The following RTL4 variants were observed in gnomAD, a reference collection of about 807,000 sequenced individuals.
RTL4 encodes retrotransposon Gag-like protein 4.
A neutral mutation model predicts 5.3 loss-of-function variants in RTL4; 4 were observed. The ratio of observed to expected loss-of-function variants is 0.75; its 90% CI spans 0.37 to 1.72. The LOEUF is 1.72. Among genes scored for constraint, RTL4 ranks in the 40% most tolerant of loss-of-function variants. The pLI, the probability that RTL4 is intolerant of heterozygous loss-of-function variation, is 0.04. For synonymous variants in RTL4, 98 were observed against 87.3 expected (o/e 1.12, Z -0.68); for missense variants, 260 against 227.1 (o/e 1.14, Z -0.93).
the RTL4 span, among the ~76,000 whole-genome samples, chrX:112,384,837 A>T: frequency 8.9e-6 from 1 of 111,888 alleles, no homozygotes; most frequent in African/African-American, 3.2e-5. Flanking sequence ...CTTCCTATCC[A>T]TGAGCACGGA....
the RTL4 span, among the ~76,000 whole-genome samples, chrX:112,156,543 A>C: frequency 3.6e-5 from 4 of 112,156 alleles, no homozygotes; most frequent in African/African-American, 1.3e-4. Context: ...CCTGGTCCAG[A>C]TGTAGGCAGA....
At chrX:112,197,805 T>C in the RTL4 span, among the ~76,000 whole-genome samples, 47 of 111,984 alleles carry the variant, frequency 4.2e-4, no homozygotes, top group East Asian at 5.9e-3. Flanking sequence ...TTGCATTTGT[T>C]TGTCTTTGTA....
chrX:112,220,382 C>T, the RTL4 span, among the ~76,000 whole-genome samples: 1 of 112,741 alleles, frequency 8.9e-6, no homozygotes, highest in Non-Finnish European at 1.9e-5. Context: ...GGCACCAAGT[C>T]CCAAGGCTGC....
the RTL4 span, among the ~76,000 whole-genome samples, chrX:112,312,394 C>A: frequency 8.9e-6 from 1 of 111,836 alleles, no homozygotes; most frequent in East Asian, 2.8e-4. Context: ...AAATGAGGAG[C>A]AGAGCTTGAT....
the RTL4 span, among the ~76,000 whole-genome samples, chrX:112,404,003 A>G: frequency 8.9e-6 from 1 of 111,930 alleles, no homozygotes; most frequent in Admixed American, 9.5e-5. Context: ...TTCTTAAGGG[A>G]TCAGCTAGAG....
the RTL4 span, among the ~76,000 whole-genome samples, chrX:112,284,860 C>A: frequency 9.0e-6 from 1 of 111,555 alleles, no homozygotes; most frequent in African/African-American, 3.3e-5. Flanking sequence ...GCTCTAGAGC[C>A]TTAATTCTTA....
At chrX:112,226,925 A>AAAAATAAAATAAAATAAAAT in the RTL4 span, among the ~76,000 whole-genome samples, 1 of 99,983 alleles carries the variant, frequency 1.0e-5, no homozygotes, top group African/African-American at 4.1e-5. Flanking sequence ...CTCCGTCTCA[A>AAAAATAAAATAAAATAAAAT]AAAATAAAAT....
At chrX:112,321,156 G>A in the RTL4 span, among the ~76,000 whole-genome samples, 2 of 111,375 alleles carry the variant, frequency 1.8e-5, no homozygotes, top group Admixed American at 1.9e-4. Flanking sequence ...TAGGTATAAT[G>A]AAAAAAATTA....
At chrX:112,250,833 A>T in the RTL4 span, among the ~76,000 whole-genome samples, 2 of 112,416 alleles carry the variant, frequency 1.8e-5, no homozygotes, top group East Asian at 5.5e-4. Context: ...CTCACAGGTC[A>T]TACATTAGGC....
chrX:112,117,872 G>A, the RTL4 span, among the ~76,000 whole-genome samples: 4 of 111,693 alleles, frequency 3.6e-5, no homozygotes, highest in Middle Eastern at 4.6e-3. Context: ...AATGTGTAAT[G>A]TACAGGTATA....
At chrX:112,242,934 A>C in the RTL4 span, among the ~76,000 whole-genome samples, 1 of 111,700 alleles carries the variant, frequency 9.0e-6, no homozygotes, top group African/African-American at 3.3e-5. Context: ...CCTTTTCTGC[A>C]TCTATTGAGA....
chrX:112,095,850 A>G, the RTL4 span, among the ~76,000 whole-genome samples: 1 of 111,875 alleles, frequency 8.9e-6, no homozygotes, highest in Non-Finnish European at 1.9e-5. Context: ...TGGATTATCT[A>G]TACTGCCATA....
At chrX:112,314,307 G>A in the RTL4 span, among the ~76,000 whole-genome samples, 2 of 110,618 alleles carry the variant, frequency 1.8e-5, no homozygotes, top group African/African-American at 6.6e-5. Flanking sequence ...TAGTTTTCTG[G>A]GAGTTAAGTA....
chrX:112,423,862 G>A, the RTL4 span, among the ~76,000 whole-genome samples: 74 of 111,837 alleles, frequency 6.6e-4, no homozygotes, highest in Non-Finnish European at 1.3e-3. Context: ...TTGACATCTT[G>A]CCCAGGTCCT....
chrX:112,323,318 A>AT, the RTL4 span, among the ~76,000 whole-genome samples: 2 of 109,942 alleles, frequency 1.8e-5, no homozygotes, highest in Non-Finnish European at 3.8e-5. Flanking sequence ...ACTTTTGACC[A>AT]TTTTTTCTAT....
the RTL4 span, among the ~76,000 whole-genome samples, chrX:112,157,031 C>G: frequency 9.4e-6 from 1 of 106,352 alleles, no homozygotes; most frequent in Non-Finnish European, 1.9e-5. Flanking sequence ...TTGTTAGATG[C>G]GAGTGTTGAG....
the RTL4 span, among the ~76,000 whole-genome samples, chrX:112,426,924 T>C: frequency 9.0e-6 from 1 of 110,711 alleles, no homozygotes; most frequent in Non-Finnish European, 1.9e-5. Context: ...CTGTATCTGT[T>C]AAAAAAATCA....
the RTL4 span, among the ~76,000 whole-genome samples, chrX:112,228,763 T>C: frequency 3.6e-5 from 4 of 112,015 alleles, no homozygotes; most frequent in Admixed American, 3.8e-4. Context: ...AGATTCCACA[T>C]ATAAGTGAGA....
At chrX:112,266,476 A>T in the RTL4 span, among the ~76,000 whole-genome samples, 1 of 108,750 alleles carries the variant, frequency 9.2e-6, no homozygotes. Context: ...GAACTAGGGG[A>T]GGGGGAGGGG....
Sources: gnomAD v4.1 joint callset for allele counts (sites outside exome capture counted in the v4.1 genomes callset) on GRCh38, gnomAD v4.1.1 for gene constraint, MANE v1.5 for transcripts, NCBI Gene and HGNC (gene_info 2026-07-23, HGNC 2026-07-21) for gene names.